Variants in DAAM1 observed in about 807,000 individuals in gnomAD.
DAAM1 encodes disheveled-associated activator of morphogenesis 1.
In DAAM1, 52 loss-of-function variants were observed where a neutral mutation model predicts 130.0. The observed-to-expected ratio is 0.40, with a 90% CI of 0.32 to 0.50. DAAM1 has a LOEUF of 0.50. Among genes scored for constraint, DAAM1 ranks in the 20% least tolerant of loss-of-function variants. The pLI is 0.61. For missense variants in DAAM1, 1,134 were observed against 1,303.8 expected (o/e 0.87, Z 2.01); for synonymous variants, 452 against 444.5 (o/e 1.02, Z -0.21).
chr14:59,244,242 A>ATTT (rs59495382), intron 1 of DAAM1, among the ~76,000 whole-genome samples: 2,916 of 146,472 alleles, frequency 0.02, 45 homozygotes, highest in Non-Finnish European at 0.027. Flanking sequence ...CACTAAACCT[A>ATTT]TTTTTTTTTT....
At chr14:59,193,433 T>C (rs77757193) in intron 1 of DAAM1, among the ~76,000 whole-genome samples, 1 of 149,662 alleles carries the variant, frequency 6.7e-6, no homozygotes, top group Non-Finnish European at 1.5e-5. Context: ...ATCCAGCAGA[T>C]TTTTTTTTTC....
intron 1 of DAAM1, among the ~76,000 whole-genome samples, chr14:59,232,966 A>G (rs754397389): frequency 2.0e-5 from 3 of 152,188 alleles, no homozygotes; most frequent in Non-Finnish European, 4.4e-5. Flanking sequence ...TGCAAAGGAC[A>G]TGAGCTCATT....
chr14:59,309,167 C>A (rs1187353803), intron 3 of DAAM1, among the ~76,000 whole-genome samples: 2 of 152,178 alleles, frequency 1.3e-5, no homozygotes, highest in Admixed American at 1.3e-4. Flanking sequence ...TTTTAAATCT[C>A]CTACTACTTT....
At chr14:59,247,680 T>TA (rs1272962310) in intron 1 of DAAM1, among the ~76,000 whole-genome samples, 3 of 151,958 alleles carry the variant, frequency 2.0e-5, no homozygotes, top group Admixed American at 2.0e-4. Context: ...AGCGACAGGT[T>TA]GATAATTAAG....
intron 1 of DAAM1, among the ~76,000 whole-genome samples, chr14:59,251,014 T>A (rs1881614335): frequency 1.3e-5 from 2 of 152,230 alleles, no homozygotes; most frequent in Non-Finnish European, 2.9e-5. Context: ...TGGAATCACC[T>A]ATGGGGCTTG....
At chr14:59,268,379 C>T (rs1882557581) in intron 2 of DAAM1, among the ~76,000 whole-genome samples, 1 of 152,214 alleles carries the variant, frequency 6.6e-6, no homozygotes, top group Non-Finnish European at 1.5e-5. Flanking sequence ...TTAACTGGGT[C>T]ATATGGTAAC....
intron 1 of DAAM1, among the ~76,000 whole-genome samples, chr14:59,189,799 A>G (rs1258808513): frequency 6.6e-6 from 1 of 152,094 alleles, no homozygotes; most frequent in African/African-American, 2.4e-5. Flanking sequence ...TCGTTTACTC[A>G]TTCATCAAAC....
intron 1 of DAAM1, among the ~76,000 whole-genome samples, chr14:59,262,268 C>G (rs1343775203): frequency 6.6e-6 from 1 of 152,094 alleles, no homozygotes; most frequent in Non-Finnish European, 1.5e-5. Flanking sequence ...ACATGTATGG[C>G]TTTTTGTATG....
chr14:59,277,282 G>A (rs567895783), intron 2 of DAAM1, among the ~76,000 whole-genome samples: 2 of 152,042 alleles, frequency 1.3e-5, no homozygotes, highest in Middle Eastern at 3.4e-3. Flanking sequence ...TTGATTTGTA[G>A]CATGCCAATT....
At chr14:59,331,972 T>C (rs772659615) in intron 15 of DAAM1, 52 bp downstream of exon 15, 11 of 1,467,548 alleles carry the variant, frequency 7.5e-6, no homozygotes, top group Non-Finnish European at 9.5e-6. Flanking sequence ...TCATGTCTTA[T>C]GCATGATCTC....
chr14:59,251,854 A>T (rs573642980), intron 1 of DAAM1, among the ~76,000 whole-genome samples: 1 of 152,268 alleles, frequency 6.6e-6, no homozygotes, highest in South Asian at 2.1e-4. Flanking sequence ...AGTTTTTATA[A>T]TGTGATTCTG....
chr14:59,329,958 G>A (rs898283938), intron 12 of DAAM1, among the ~76,000 whole-genome samples: 4 of 152,178 alleles, frequency 2.6e-5, no homozygotes, highest in African/African-American at 9.7e-5. Flanking sequence ...AGGGGAGATG[G>A]GAGAAGTGAT....
intron 6 of DAAM1, 79 bp downstream of exon 6, chr14:59,323,304 G>C: frequency 7.1e-7 from 1 of 1,408,958 alleles, no homozygotes; most frequent in Non-Finnish European, 9.5e-7. Flanking sequence ...TCCCTGAAAG[G>C]GGAATGTTAC....
At position 59,360,641 on chromosome 14, in the gene DAAM1, T is replaced by C. The variant is rs10137686; in HGVS notation, c.2634-161T>C. The C allele has an allele frequency of 1.4e-3, 672 of 484,994 alleles. 5 individuals carry two copies. The highest frequency in any genetic ancestry group is 0.012 in the African/African-American group (586 of 50,460). 30.0% of individuals were successfully genotyped at this position (484,994 alleles called of 1,614,324 possible). A position where few individuals can be genotyped will look rare whatever the true frequency, so the allele number is the denominator to read the frequency against. On this transcript the variant is annotated intron_variant, in intron 21 of 24. Transcript: ENST00000360909. ...ATTTTATACCTACATTTCATGAGTT[T>C]AAAATACTGTTGTCTTTCTTTGAGA...
chr14:59,283,443 C>CTTCTCTGGTTGTTCATTGT (rs1883306089), intron 2 of DAAM1, among the ~76,000 whole-genome samples: 2 of 152,228 alleles, frequency 1.3e-5, no homozygotes, highest in Admixed American at 1.3e-4. Flanking sequence ...TCCCTCATTG[C>CTTCTCTGGTTGTTCATTGT]TTCTCTGGTT....
intron 1 of DAAM1, among the ~76,000 whole-genome samples, chr14:59,227,399 GTT>G (rs1335080405): frequency 6.6e-6 from 1 of 152,200 alleles, no homozygotes; most frequent in African/African-American, 2.4e-5. Context: ...ATCTTACGTA[GTT>G]TCACTGAGAC....
At chr14:59,271,188 T>G (rs1882691780) in intron 2 of DAAM1, among the ~76,000 whole-genome samples, 2 of 152,200 alleles carry the variant, frequency 1.3e-5, no homozygotes, top group Admixed American at 1.3e-4. Context: ...GTCTAATGTT[T>G]GAGGATAATA....
intron 15 of DAAM1, among the ~76,000 whole-genome samples, chr14:59,339,199 T>C (rs1470519705): frequency 2.0e-5 from 3 of 152,358 alleles, no homozygotes; most frequent in Middle Eastern, 3.4e-3. Context: ...AGATTCTTTA[T>C]CTTTGTGTAA....
chr14:59,265,765 A>G (rs1019014326), intron 2 of DAAM1: 10 of 152,400 alleles, frequency 6.6e-5, no homozygotes, highest in African/African-American at 2.2e-4. Flanking sequence ...TGGGTCTGCT[A>G]TAGTTCTGCT....
Sources: allele counts gnomAD v4.1 joint callset (sites outside exome capture counted in the v4.1 genomes callset), GRCh38; gene constraint gnomAD v4.1.1; transcripts MANE v1.5; gene names NCBI Gene and HGNC (gene_info 2026-07-23, HGNC 2026-07-21).